The following TENM2 variants were observed in gnomAD, a reference collection of about 807,000 sequenced individuals.
TENM2 encodes teneurin transmembrane protein 2.
Under a neutral mutation model 245.2 loss-of-function variants are expected in TENM2, and 52 were observed. That is an observed-to-expected ratio of 0.21 (90% CI 0.17 to 0.27). TENM2 has a LOEUF of 0.27. TENM2 is among the 10% of genes least tolerant of loss of function. The pLI is 1.00. For synonymous variants in TENM2, 1,363 were observed against 1,438.9 expected (o/e 0.95, Z 1.19); for missense variants, 3,046 against 3,666.8 (o/e 0.83, Z 4.37).
At chr5:167,864,159 G>C (rs1325514629) in intron 2 of TENM2, among the ~76,000 whole-genome samples, 1 of 152,180 alleles carries the variant, frequency 6.6e-6, no homozygotes, top group Non-Finnish European at 1.5e-5. Context: ...CTGCTGCCTA[G>C]AGTGCATGTT....
At chr5:166,992,028 ATGG>A in the TENM2 span, among the ~76,000 whole-genome samples, 2 of 151,364 alleles carry the variant, frequency 1.3e-5, no homozygotes, top group Non-Finnish European at 2.9e-5. Context: ...TGGAAGAGAA[ATGG>A]TGAAATAAAT....
intron 2 of TENM2, among the ~76,000 whole-genome samples, chr5:167,723,720 A>G (rs1401919072): frequency 6.6e-6 from 1 of 152,186 alleles, no homozygotes; most frequent in Non-Finnish European, 1.5e-5. Flanking sequence ...CTTAGTGTAC[A>G]CAAGGCTCCC....
chr5:167,853,996 AGTGCT>A (rs1485587794), intron 2 of TENM2, among the ~76,000 whole-genome samples: 2 of 152,206 alleles, frequency 1.3e-5, no homozygotes, highest in East Asian at 3.8e-4. Flanking sequence ...TTGTACCCCT[AGTGCT>A]GTTTACCATT....
At position 168,236,939 on chromosome 5, in the gene TENM2, CATATATATATATATATATATATATAT is replaced by C; in HGVS notation, c.5521-7444_5521-7419del. ...ATTTTGAGACCACAGATGTCCTAAT[CATATATATATATATATATATATATAT>C]ATATATATATATATATATATATATA... On this transcript the variant is annotated intron_variant, in intron 25 of 28. Coordinates refer to ENST00000518659, the Ensembl canonical transcript of TENM2. Among the ~76,000 whole-genome samples the C allele has an allele frequency of 9.3e-3, 313 of 33,610 alleles. 10 individuals are homozygous for C. The highest frequency in any genetic ancestry group is 0.017 in the African/African-American group (162 of 9,594). The allele number at this position is 33,610 out of a possible 152,430, so 22.0% of individuals were successfully genotyped here.
chr5:167,812,508 C>A (rs571063532), intron 2 of TENM2, among the ~76,000 whole-genome samples: 30 of 152,272 alleles, frequency 2.0e-4, no homozygotes, highest in African/African-American at 6.7e-4. Flanking sequence ...CTTTTTATTT[C>A]TTTAATTTAT....
intron 3 of TENM2, among the ~76,000 whole-genome samples, chr5:167,948,505 C>G (rs892253431): frequency 1.3e-5 from 2 of 152,176 alleles, no homozygotes; most frequent in Admixed American, 6.5e-5. Flanking sequence ...TATACCTCCC[C>G]TGGTTTTTAG....
At chr5:167,905,912 C>T (rs746048583) in intron 3 of TENM2, among the ~76,000 whole-genome samples, 67 of 152,138 alleles carry the variant, frequency 4.4e-4, no homozygotes, top group Non-Finnish European at 7.9e-4. Context: ...CGACAGGGAA[C>T]ATTAAGCATA....
intron 2 of TENM2, among the ~76,000 whole-genome samples, chr5:167,701,905 T>C (rs1229346862): frequency 6.6e-6 from 1 of 152,238 alleles, no homozygotes; most frequent in Non-Finnish European, 1.5e-5. Flanking sequence ...ATACTAAAAG[T>C]AAATATGTCT....
At chr5:168,006,354 G>T (rs1784816307) in intron 5 of TENM2, among the ~76,000 whole-genome samples, 1 of 152,160 alleles carries the variant, frequency 6.6e-6, no homozygotes, top group Admixed American at 6.5e-5. Flanking sequence ...TAGGGCGCGA[G>T]GGTTGTCATG....
chr5:168,231,807 C>T (rs935879219), intron 25 of TENM2, among the ~76,000 whole-genome samples: 9 of 152,052 alleles, frequency 5.9e-5, no homozygotes, highest in South Asian at 2.1e-4. Context: ...TTTAAATAGC[C>T]GACCATGGCC....
At chr5:167,497,012 T>C (rs1191355087) in intron 2 of TENM2, among the ~76,000 whole-genome samples, 1 of 152,098 alleles carries the variant, frequency 6.6e-6, no homozygotes, top group Non-Finnish European at 1.5e-5. Context: ...TTCTAGGTGG[T>C]CGCATATCTG....
chr5:167,035,367 G>A, the TENM2 span, among the ~76,000 whole-genome samples: 1 of 152,168 alleles, frequency 6.6e-6, no homozygotes, highest in African/African-American at 2.4e-5. Flanking sequence ...ATGACCAAAT[G>A]TGTAATTACA....
chr5:167,800,045 T>A (rs1312453558), intron 2 of TENM2, among the ~76,000 whole-genome samples: 1 of 152,230 alleles, frequency 6.6e-6, no homozygotes, highest in Non-Finnish European at 1.5e-5. Flanking sequence ...CAGTGTTGTA[T>A]GTAGATCCAC....
In TENM2 at chr5:168,228,230, G is replaced by A. The variant is rs1169904676; in HGVS notation, c.5520+100G>A. 5.3e-6 allele frequency: 5 copies of A among 935,036 alleles called. No individual in the cohort carries two copies. In the Admixed American group the frequency reaches 6.5e-5, roughly 12 times the overall value. 57.9% of individuals were successfully genotyped at this position (935,036 alleles called of 1,614,324 possible). ...TCTCTGTTACCACAGAGTGGGAGGG[G>A]ATATACACTTTCCTCACAGAGCTGA... On this transcript the variant is annotated intron_variant, in intron 25 of 28. Coordinates refer to ENST00000518659, the Ensembl canonical transcript of TENM2.
chr5:168,162,713 T>C, exon 13 of TENM2: 1 of 1,614,010 alleles, frequency 6.2e-7, no homozygotes, highest in South Asian at 1.1e-5. Flanking sequence ...GGATGCAACG[T>C]TGCCATGGAA....
chr5:167,985,890 T>A (rs1231154634), intron 4 of TENM2, among the ~76,000 whole-genome samples: 2 of 152,194 alleles, frequency 1.3e-5, no homozygotes, highest in African/African-American at 4.8e-5. Flanking sequence ...AGAAAAGAAA[T>A]CTTTTGTTGG....
chr5:167,319,253 T>C (rs1756570583), intron 1 of TENM2, among the ~76,000 whole-genome samples: 1 of 152,200 alleles, frequency 6.6e-6, no homozygotes, highest in South Asian at 2.1e-4. Context: ...AATTCTGCTT[T>C]TTAGTTATAT....
chr5:167,084,364 T>TATATATATATAC, the TENM2 span, among the ~76,000 whole-genome samples: 4 of 111,142 alleles, frequency 3.6e-5, no homozygotes, highest in South Asian at 2.7e-4. Context: ...TATATATATA[T>TATATATATATAC]ATACAGATCA....
At chr5:167,664,275 A>T (rs1261614078) in intron 2 of TENM2, among the ~76,000 whole-genome samples, 2 of 152,178 alleles carry the variant, frequency 1.3e-5, no homozygotes, top group African/African-American at 4.8e-5. Flanking sequence ...GCCTGCGATT[A>T]TGTATTTTTC....
Sources: allele counts gnomAD v4.1 joint callset (sites outside exome capture counted in the v4.1 genomes callset), GRCh38; gene constraint gnomAD v4.1.1; transcripts MANE v1.5; gene names NCBI Gene and HGNC (gene_info 2026-07-23, HGNC 2026-07-21).